Variants in ZNF554 observed in about 807,000 individuals in gnomAD.
ZNF554 encodes the protein zinc finger protein 554.
In ZNF554, 15 loss-of-function variants were observed where a neutral mutation model predicts 21.2. The observed-to-expected ratio is 0.71, with a 90% CI of 0.47 to 1.09. ZNF554 has a LOEUF of 1.09. Among genes scored for constraint, ZNF554 ranks in the 50% least tolerant of loss-of-function variants. The pLI is 0.00. For missense variants in ZNF554, 691 were observed against 662.7 expected (o/e 1.04, Z -0.47); for synonymous variants, 258 against 251.4 (o/e 1.03, Z -0.25).
At chr19:2,827,042 A>T (rs1201458341) in intron 2 of ZNF554, among the ~76,000 whole-genome samples, 1 of 152,170 alleles carries the variant, frequency 6.6e-6, no homozygotes, top group African/African-American at 2.4e-5. Flanking sequence ...AATCTCTAAT[A>T]ACTGTGAGTT....
intron 3 of ZNF554, 93 bp from the exon 4 acceptor site, chr19:2,832,210 G>C: frequency 3.8e-6 from 5 of 1,300,142 alleles, no homozygotes; most frequent in Non-Finnish European, 5.2e-6. Flanking sequence ...ACAGGAGTGA[G>C]CCACCATGCC....
Position 2,834,711 on chromosome 19 carries a change from C to T in ZNF554, c.1476C>T (p.Tyr492=), listed in dbSNP as rs574900355. The change falls in exon 5 of 5, where the codon TAC becomes TAT. Residue 492 remains tyrosine, a synonymous_variant. Transcript: ENST00000317243. The part of the protein sequence containing the change: ...HERTHTGEKP[Y]RCQECGKAFS... ...GAACTCACACTGGAGAGAAACCCTA[C>T]AGGTGTCAGGAATGTGGGAAAGCCT... is the stretch of plus-strand genomic sequence containing the variant. 3 of 1,613,920 alleles carry T rather than the reference C, an allele frequency of 1.9e-6. No homozygotes were observed. Among genetic ancestry groups the T allele is most frequent in the African/African-American group, 1.3e-5 (1 of 74,986 alleles).
chr19:2,827,735 T>A lies in ZNF554; in HGVS notation c.245T>A (p.Val82Asp). ...EVMLENYRNV[V>D]SLEALKNQCT... ...ATGCTGGAGAACTACAGGAACGTGG[T>A]CTCCCTGGGTAAGGCAAGCATCACT... The change falls in exon 3 of 5, where the codon GTC becomes GAC. Residue 82 changes from valine (V) to aspartate (D), a missense_variant. Coordinates refer to ENST00000317243, the MANE Select transcript of ZNF554 (RefSeq NM_001102651.2). 1.9e-6 allele frequency: 3 copies of A among 1,613,950 alleles called. No homozygotes were observed. Among genetic ancestry groups the A allele is most frequent in the Non-Finnish European group, 2.5e-6 (3 of 1,179,934 alleles).
At chr19:2,826,194 C>T (rs990203589) in intron 2 of ZNF554, 2 of 122,406 alleles carry the variant, frequency 1.6e-5, no homozygotes, top group African/African-American at 6.1e-5. Flanking sequence ...GCCACCGTGC[C>T]CAGCCAGTAA....
intron 2 of ZNF554, 59 bp from the exon 3 acceptor site, chr19:2,827,558 C>G: frequency 6.4e-7 from 1 of 1,570,382 alleles, no homozygotes. Context: ...CTCACCCCTC[C>G]TCCCATGAAC....
intron 2 of ZNF554, among the ~76,000 whole-genome samples, chr19:2,826,099 C>T (rs953414871): frequency 6.6e-6 from 1 of 151,478 alleles, no homozygotes; most frequent in Admixed American, 6.6e-5. Context: ...GGGGTTTCTC[C>T]ATATTGGTCA....
chr19:2,832,604 C>T (rs1226661233), intron 4 of ZNF554, 110 bp downstream of exon 4: 1 of 1,097,868 alleles, frequency 9.1e-7, no homozygotes, highest in Non-Finnish European at 1.3e-6. Context: ...GCCAAGATCC[C>T]TTTCTCGGAC....
chr19:2,834,540 C>G lies in ZNF554; in HGVS notation c.1305C>G (p.Pro435=), dbSNP rs566216913. ...AGAGGACACACACCGGAGAGAAGCC[C>G]TACGAATGCAGTGAATGTGGAAAGG... ...LHKRTHTGEK[P]YECSECGKAF... The change falls in exon 5 of 5, where the codon CCC becomes CCG. Residue 435 remains proline (P), a synonymous_variant. Coordinates refer to ENST00000317243, the MANE Select transcript of ZNF554 (RefSeq NM_001102651.2). 3 of 1,614,120 alleles carry G rather than the reference C, an allele frequency of 1.9e-6. No homozygotes were observed. The highest frequency in any genetic ancestry group is 1.7e-6 in the Non-Finnish European group (2 of 1,180,032).
intron 3 of ZNF554, 54 bp downstream of exon 3, chr19:2,827,797 A>G (rs2087356120): frequency 5.6e-6 from 9 of 1,606,152 alleles, no homozygotes; most frequent in African/African-American, 2.7e-5. Context: ...TATCTGGTGT[A>G]TTAGTCTGTT....
Position 2,821,152 on chromosome 19 carries a change from C to T in ZNF554, c.53+1028C>T, listed in dbSNP as rs1010388437. ...TTGCCCAGGCTGGAGTGCAGTTGCA[C>T]GATCTCGGCTCACTGCATCCACCTC... On this transcript the variant is annotated intron_variant, in intron 1 of 4. Transcript: ENST00000317243. This position sits in a 1 kb window ranked among gnomAD's most constrained non-coding sequence, Gnocchi z 8.2. Among the ~76,000 whole-genome samples, 1 of 150,556 alleles carries T rather than the reference C, an allele frequency of 6.6e-6. No individual in the cohort carries two copies. Among genetic ancestry groups the T allele is most frequent in the Non-Finnish European group, 1.5e-5 (1 of 67,674 alleles).
chr19:2,831,039 TAC>T (rs1167535703), intron 3 of ZNF554: 1 of 152,246 alleles, frequency 6.6e-6, no homozygotes, highest in Non-Finnish European at 1.5e-5. Context: ...GTGCTGGGAT[TAC>T]AGACGTGAGC....
Position 2,821,655 on chromosome 19 carries a change from T to C in ZNF554, c.54-1385T>C, listed in dbSNP as rs1445812600. On this transcript the variant is annotated intron_variant, in intron 1 of 4. Coordinates refer to ENST00000317243, the MANE Select transcript of ZNF554 (RefSeq NM_001102651.2). This position sits in a 1 kb window ranked among gnomAD's most constrained non-coding sequence, Gnocchi z 8.2. ...ATGTGGCCTTCTTCCCTGTGTCTCT[T>C]TCTCCTTTTTTGTTTTTATTTTTAT... Among the ~76,000 whole-genome samples, 1 of 151,750 alleles carries C rather than the reference T, an allele frequency of 6.6e-6. No individual in the cohort carries two copies.
intron 1 of ZNF554, among the ~76,000 whole-genome samples, chr19:2,822,403 G>T (rs1429865578): frequency 1.3e-5 from 2 of 152,134 alleles, no homozygotes. Flanking sequence ...CTTGATCTCA[G>T]ACTTCCAGAA....
At chr19:2,822,164 C>T (rs535592352) in intron 1 of ZNF554, among the ~76,000 whole-genome samples, 2 of 152,138 alleles carry the variant, frequency 1.3e-5, no homozygotes, top group South Asian at 4.1e-4. Context: ...AATTATCGTG[C>T]CTCAGCCTCC....
chr19:2,833,092 TA>T (rs2087442009), intron 4 of ZNF554: 1 of 152,746 alleles, frequency 6.5e-6, no homozygotes, highest in East Asian at 1.9e-4. Flanking sequence ...GCTTTCTTGA[TA>T]ATTCTTTCTC....
chr19:2,823,749 A>C (rs1342598921), intron 2 of ZNF554, among the ~76,000 whole-genome samples: 4 of 151,964 alleles, frequency 2.6e-5, no homozygotes, highest in Non-Finnish European at 5.9e-5. Flanking sequence ...CCATCCTGTC[A>C]TCTGTCTGCC....
chr19:2,834,254 G>A lies in ZNF554; in HGVS notation c.1019G>A (p.Ser340Asn). 1.2e-6 allele frequency: 2 copies of A among 1,614,084 alleles called. No individual in the cohort carries two copies. The highest frequency in any genetic ancestry group is 1.7e-6 in the Non-Finnish European group (2 of 1,180,040). ...GKVFNRRHSL[S>N]EHQRIHTGEK... The stretch of plus-strand genomic sequence containing the variant: ...GTGTTCAACCGGAGGCATTCTTTGA[G>A]CGAACATCAAAGAATTCACACGGGG... The change falls in exon 5 of 5, where the codon AGC (serine) becomes AAC (asparagine). Residue 340 changes from serine to asparagine, a missense_variant. By Grantham distance (46) the Ser-to-Asn change is conservative (BLOSUM62 1). Transcript: ENST00000317243.
chr19:2,823,639 C>G (rs1035013231), intron 2 of ZNF554, among the ~76,000 whole-genome samples: 3 of 152,168 alleles, frequency 2.0e-5, no homozygotes, highest in Non-Finnish European at 2.9e-5. Context: ...TAGCTCCTCT[C>G]TGAAGCTCTC....
rs745725749 is a variant in ZNF554, at chr19:2,823,082, G to A, written c.96G>A (p.Met32Ile). 6.2e-7 allele frequency: 1 copy of A among 1,613,476 alleles called. No individual in the cohort carries two copies. The highest frequency in any genetic ancestry group is 8.5e-7 in the Non-Finnish European group (1 of 1,179,540). ...PGTCFSQEER[M>I]AAGYLPRWSQ... ...CCTGCTTTTCCCAAGAGGAGAGAAT[G>A]GCTGCTGGGTACCTGCCCCGCTGGT... The change falls in exon 2 of 5, where the codon ATG becomes ATA. Residue 32 changes from methionine (M) to isoleucine (I), a missense_variant. Transcript: ENST00000317243.
Sources: allele counts gnomAD v4.1 joint callset (sites outside exome capture counted in the v4.1 genomes callset), GRCh38; gene constraint gnomAD v4.1.1; non-coding constraint Gnocchi (gnomAD v3.1); transcripts MANE v1.5; gene names NCBI Gene and HGNC (gene_info 2026-07-23, HGNC 2026-07-21).